The following GADL1 variants were observed in gnomAD, a reference collection of about 807,000 sequenced individuals.
The protein encoded by GADL1 is acidic amino acid decarboxylase GADL1.
GADL1 carries 71 observed loss-of-function variants against 69.5 expected under a neutral mutation model. The ratio of observed to expected loss-of-function variants is 1.02; its 90% CI spans 0.84 to 1.25. The LOEUF is 1.25. Among genes scored for constraint, GADL1 ranks in the 50% most tolerant of loss-of-function variants. The pLI is 0.00. For missense variants in GADL1, 737 were observed against 631.8 expected (o/e 1.17, Z -1.79); for synonymous variants, 254 against 214.4 (o/e 1.18, Z -1.62).
At chr3:30,794,901 G>A (rs576110585) in intron 12 of GADL1, among the ~76,000 whole-genome samples, 3 of 152,136 alleles carry the variant, frequency 2.0e-5, no homozygotes, top group Non-Finnish European at 4.4e-5. Context: ...CAGGAACATG[G>A]AAACATTATT....
intron 14 of GADL1, among the ~76,000 whole-genome samples, chr3:30,732,117 C>A (rs1368592068): frequency 2.6e-5 from 4 of 152,162 alleles, no homozygotes; most frequent in Non-Finnish European, 5.9e-5. Context: ...TATGAAGCTC[C>A]AGGCATAATC....
At chr3:30,817,428 T>G (rs1006356740) in intron 11 of GADL1, among the ~76,000 whole-genome samples, 1 of 152,176 alleles carries the variant, frequency 6.6e-6, no homozygotes, top group East Asian at 1.9e-4. Context: ...AAGAAGACAT[T>G]TGAAGAACTC....
intron 10 of GADL1, 103 bp from the exon 11 acceptor site, chr3:30,834,037 A>G (rs1411187928): frequency 4.3e-6 from 4 of 935,934 alleles, no homozygotes; most frequent in Non-Finnish European, 5.2e-6. Context: ...ACTCATACAT[A>G]GTTTACTGTT....
At chr3:30,778,617 CT>C (rs1411693925) in intron 13 of GADL1, 1 of 173,282 alleles carries the variant, frequency 5.8e-6, no homozygotes, top group Non-Finnish European at 1.2e-5. Flanking sequence ...AACACTGATC[CT>C]TAAGTTATTT....
chr3:30,757,147 G>A (rs551561526), intron 14 of GADL1, among the ~76,000 whole-genome samples: 1 of 152,236 alleles, frequency 6.6e-6, no homozygotes, highest in African/African-American at 2.4e-5. Flanking sequence ...AGAGTGCCAT[G>A]TGAACCGCTA....
rs1007942717 is a variant in GADL1, at chr3:30,879,748, T to G, written c.37+14830A>C. 6.6e-5 allele frequency among the ~76,000 whole-genome samples: 10 copies of G among 152,030 alleles called. No homozygotes were observed. The South Asian group carries it at 1.0e-3, about 16-fold the overall frequency. ...GCCTGCATTAAATATTACTTTTTCT[T>G]GATGCTAGCCTCATGGGTAGCCATT... On this transcript the variant is annotated intron_variant, in intron 1 of 14. Transcript: ENST00000282538.
At chr3:30,841,857 C>T (rs1697970990) in intron 8 of GADL1, among the ~76,000 whole-genome samples, 1 of 152,114 alleles carries the variant, frequency 6.6e-6, no homozygotes, top group Non-Finnish European at 1.5e-5. Flanking sequence ...CCAATGAAGC[C>T]TCCCTGGTTT....
Position 30,780,912 on chromosome 3 carries a change from CTT to C in GADL1, c.1303-2646_1303-2645del, listed in dbSNP as rs1350291841. Among the ~76,000 whole-genome samples the C allele has an allele frequency of 3.3e-5, 5 of 152,258 alleles. No homozygotes were observed. The East Asian group carries it at 9.7e-4, about 29-fold the overall frequency. ...TGAATTTTTGCAAAAATATATTTGA[CTT>C]TTTCCTGTCTCTGCCTCTGTAGCTT... On this transcript the variant is annotated intron_variant, in intron 13 of 14. Transcript: ENST00000282538.
chr3:30,839,500 C>T (rs1231821752), intron 8 of GADL1, among the ~76,000 whole-genome samples: 2 of 98,342 alleles, frequency 2.0e-5, no homozygotes, highest in East Asian at 5.9e-4. Flanking sequence ...ATTGTGCCAT[C>T]ATTGTCATCT....
Position 30,857,076 on chromosome 3 carries a change from G to A in GADL1, c.276C>T (p.Gly92=), listed in dbSNP as rs200877024. 2,309 of 1,549,272 alleles carry A rather than the reference G, an allele frequency of 1.5e-3. 24 individuals carry two copies. In the South Asian group the frequency reaches 0.017, roughly 11 times the overall value. ...GTTCCAATAGTTTATGGGGTGGCTC[G>A]CCTGAGTCTCTCATCTCCAAATCAA... ...QLLDLEMRDS[G]EPPHKLLELC... is the part of the protein sequence containing the mutation. The change falls in exon 3 of 15, where the codon GGC becomes GGT. Residue 92 remains glycine, a synonymous_variant. Coordinates refer to ENST00000282538, the MANE Select transcript of GADL1 (RefSeq NM_207359.3).
At position 30,862,497 on chromosome 3, in the gene GADL1, C is replaced by T. The variant is rs145171012; in HGVS notation, c.38-732G>A. 5.6e-4 allele frequency among the ~76,000 whole-genome samples: 85 copies of T among 152,098 alleles called. 1 individual carries two copies. The highest frequency in any genetic ancestry group is 4.0e-3 in the Admixed American group (61 of 15,252). On this transcript the variant is annotated intron_variant, in intron 1 of 14. Transcript: ENST00000282538. ...AGGTAGCAAGCTTTTAGCTTCATTT[C>T]CTTGTACAAAGTCCTTTAGCATTTC... is the stretch of plus-strand genomic sequence containing the variant.
At chr3:30,846,113 G>A (rs1698051278) in intron 6 of GADL1, among the ~76,000 whole-genome samples, 2 of 151,226 alleles carry the variant, frequency 1.3e-5, no homozygotes, top group African/African-American at 2.4e-5. Context: ...AAGCTTCAGA[G>A]AAGGAAGAGC....
intron 13 of GADL1, among the ~76,000 whole-genome samples, chr3:30,782,953 ATG>A (rs1696701204): frequency 6.6e-6 from 1 of 152,234 alleles, no homozygotes; most frequent in Non-Finnish European, 1.5e-5. Context: ...CAAGATAACA[ATG>A]TAAGAAAAAT....
intron 14 of GADL1, among the ~76,000 whole-genome samples, chr3:30,751,113 G>C (rs1278605798): frequency 6.7e-6 from 1 of 149,772 alleles, no homozygotes; most frequent in African/African-American, 2.5e-5. Flanking sequence ...TTCTAGGCAA[G>C]ATTGGGCAGC....
At chr3:30,754,373 T>A (rs1017075249) in intron 14 of GADL1, among the ~76,000 whole-genome samples, 3 of 147,402 alleles carry the variant, frequency 2.0e-5, no homozygotes, top group African/African-American at 5.1e-5. Context: ...CAGGAAAGAA[T>A]ATGTTGGGGC....
intron 1 of GADL1, among the ~76,000 whole-genome samples, chr3:30,874,688 C>G (rs188791198): frequency 3.3e-5 from 5 of 152,026 alleles, no homozygotes; most frequent in African/African-American, 1.2e-4. Flanking sequence ...TTCATATAAT[C>G]GTAGCTAGCA....
In GADL1 at chr3:30,728,124, C is replaced by T; in HGVS notation, c.*118G>A. On this transcript the variant is annotated 3_prime_UTR_variant, in exon 15 of 15. Transcript: ENST00000282538. ...GCATTTTGGTTTTGCTGGGCCTGGA[C>T]TGGGAGTATTCCCTATTTCTCATCA... 1 of 879,356 alleles carries T rather than the reference C, an allele frequency of 1.1e-6. No individual in the cohort carries two copies. Among genetic ancestry groups the T allele is most frequent in the South Asian group, 1.7e-5 (1 of 59,090 alleles). The allele number at this position is 879,356 out of a possible 1,614,324, so 54.5% of individuals were successfully genotyped here. A position where few individuals can be genotyped will look rare whatever the true frequency, so the allele number is the denominator to read the frequency against.
intron 1 of GADL1, among the ~76,000 whole-genome samples, chr3:30,869,082 AAC>A (rs113358460): frequency 6.6e-6 from 1 of 151,230 alleles, no homozygotes; most frequent in East Asian, 2.0e-4. Context: ...AGAAGTAAAA[AAC>A]AGTCTCTGTT....
intron 8 of GADL1, among the ~76,000 whole-genome samples, chr3:30,840,072 G>A (rs574581347): frequency 4.6e-5 from 5 of 108,888 alleles, no homozygotes; most frequent in Admixed American, 1.6e-4. Flanking sequence ...CTGAGAAATA[G>A]ACAAGAATAT....
Sources: gnomAD v4.1 joint callset for allele counts (sites outside exome capture counted in the v4.1 genomes callset) on GRCh38, gnomAD v4.1.1 for gene constraint, MANE v1.5 for transcripts, NCBI Gene and HGNC (gene_info 2026-07-23, HGNC 2026-07-21) for gene names.